TRPC3: variants seen among roughly 807,000 people sequenced by gnomAD.
TRPC3 encodes transient receptor potential cation channel subfamily C member 3.
TRPC3 carries 54 observed loss-of-function variants against 90.9 expected under a neutral mutation model. The observed-to-expected ratio is 0.59, with a 90% CI of 0.48 to 0.75. TRPC3 has a LOEUF of 0.75. Among genes scored for constraint, TRPC3 ranks in the 30% least tolerant of loss-of-function variants. The probability of loss-of-function intolerance (pLI) is 0.00; values close to 1 mark genes in which losing one functional copy is unlikely to be tolerated. For missense variants in TRPC3, 918 were observed against 1,194.5 expected, an observed-to-expected ratio of 0.77 and a Z score of 3.41; for synonymous variants, 424 against 450.9, an observed-to-expected ratio of 0.94 and a Z score of 0.75.
chr4:121,942,850 T>G (rs772504087), intron 1 of TRPC3, among the ~76,000 whole-genome samples: 1 of 152,218 alleles, frequency 6.6e-6, no homozygotes, highest in East Asian at 1.9e-4. Flanking sequence ...CCTTAGCCAT[T>G]GCCTGCATGA....
intron 1 of TRPC3, among the ~76,000 whole-genome samples, chr4:121,934,199 T>A (rs1560715056): frequency 6.6e-6 from 1 of 152,228 alleles, no homozygotes; most frequent in African/African-American, 2.4e-5. Flanking sequence ...CATTTCCTTG[T>A]GCATCCTTAC....
At chr4:121,950,777 G>T (rs951823817) in intron 1 of TRPC3, 1 of 152,262 alleles carries the variant, frequency 6.6e-6, no homozygotes, top group Non-Finnish European at 1.5e-5. Flanking sequence ...TCACTAAAGC[G>T]GTTCCCCGGC....
At chr4:121,897,478 A>G (rs930316732) in intron 10 of TRPC3, among the ~76,000 whole-genome samples, 2 of 141,058 alleles carry the variant, frequency 1.4e-5, no homozygotes, top group African/African-American at 5.6e-5. Flanking sequence ...AAAAAAAAAA[A>G]AAAAAAAAAA....
chr4:121,898,282 A>G (rs1728586323), intron 10 of TRPC3, among the ~76,000 whole-genome samples: 1 of 152,196 alleles, frequency 6.6e-6, no homozygotes, highest in Admixed American at 6.5e-5. Context: ...AAGGACTGGC[A>G]TCTGTCCGTG....
At chr4:121,903,181 AT>A in intron 8 of TRPC3, 120 bp from the exon 9 acceptor site, 1 of 754,024 alleles carries the variant, frequency 1.3e-6, no homozygotes, top group Non-Finnish European at 2.1e-6. Context: ...ACTTATACAC[AT>A]TTATCTACAT....
Position 121,902,877 on chromosome 4 carries a change from A to G in TRPC3, c.2438T>C (p.Met813Thr), listed in dbSNP as rs35312610. Residue 813 changes from methionine (M) to threonine (T), a missense_variant, in exon 9 of 12, where the codon ATG (methionine) becomes ACG (threonine). This residue lies in a region of TRPC3 where 121 missense variants were observed against 135.7 expected (regional missense o/e 0.89). Coordinates refer to ENST00000379645, the MANE Select transcript of TRPC3 (RefSeq NM_001130698.2). Reference protein sequence around the residue: ...RRRRLQKDIEMGMGNSKSRLN... With the variant: ...RRRRLQKDIETGMGNSKSRLN... ...CCTGGACTTTGAGTTACCCATTCCC[A>G]TTTCTATATCCTTCTGAAGCCTTCT... 54 of 1,611,352 alleles carry G rather than the reference A, an allele frequency of 3.4e-5. No individual in the cohort carries two copies. The African/African-American group carries it at 6.8e-4, about 20-fold the overall frequency.
chr4:121,943,186 T>TCC (rs3031587), intron 1 of TRPC3, among the ~76,000 whole-genome samples: 1 of 151,700 alleles, frequency 6.6e-6, no homozygotes, highest in Non-Finnish European at 1.5e-5. Flanking sequence ...CAGATAATTT[T>TCC]CCCCCCCTAG....
intron 7 of TRPC3, among the ~76,000 whole-genome samples, chr4:121,906,567 A>G (rs1728890134): frequency 6.6e-6 from 1 of 152,154 alleles, no homozygotes; most frequent in South Asian, 2.1e-4. Flanking sequence ...ACTTTAGTCT[A>G]TAGAGTACTT....
Position 121,951,622 on chromosome 4 carries a change from T to A in TRPC3, c.59A>T (p.Glu20Val). 1 of 1,433,332 alleles carries A rather than the reference T, an allele frequency of 7.0e-7. No homozygotes were observed. Among genetic ancestry groups the A allele is most frequent in the Non-Finnish European group, 9.2e-7 (1 of 1,085,086 alleles). The allele number at this position is 1,433,332 out of a possible 1,614,324, so 88.8% of individuals were successfully genotyped here. A position where few individuals can be genotyped will look rare whatever the true frequency, so the allele number is the denominator to read the frequency against. Residue 20 changes from glutamate to valine, a missense_variant, in exon 1 of 12, where the codon GAG (glutamate) becomes GTG (valine). Transcript: ENST00000379645. The surrounding 1 kb of genome is among the most constrained non-coding windows in gnomAD (Gnocchi z 4.4). ...EQARVTFPAP[E>V]EEEDEGEDEG... ...GTCCTCGCCCTCGTCTTCCTCCTCCTCCGGCGCCGGGAAGGTCACCCTTGC... is the reference window on the plus strand; with the variant it reads ...GTCCTCGCCCTCGTCTTCCTCCTCCACCGGCGCCGGGAAGGTCACCCTTGC...
chr4:121,883,762 A>G (rs1476010327), intron 10 of TRPC3, among the ~76,000 whole-genome samples: 2 of 152,162 alleles, frequency 1.3e-5, no homozygotes, highest in East Asian at 1.9e-4. Flanking sequence ...TTAGAGGTGG[A>G]GTCTCACTAT....
rs1252270423 is a variant in TRPC3, at chr4:121,912,023, C to T, written c.1412G>A (p.Gly471Asp). 6.2e-7 allele frequency: 1 copy of T among 1,613,752 alleles called. No individual in the cohort carries two copies. Among genetic ancestry groups the T allele is most frequent in the Admixed American group, 1.7e-5 (1 of 59,950 alleles). Residue 471 changes from glycine to aspartate, a missense_variant, in exon 5 of 12, where the codon GGT becomes GAT. This residue lies in a region of TRPC3 where 609 missense variants were observed against 725.9 expected (regional missense o/e 0.84). Transcript: ENST00000379645. Reference protein sequence around the residue: ...AHAASFIIFLGLLVFNASDRF... With the variant: ...AHAASFIIFLDLLVFNASDRF... ...GTCTGAGGCATTGAACACAAGCAGACCCAGGAAGATGATGAAAGAAGCTGC... is the reference window on the plus strand; with the variant it reads ...GTCTGAGGCATTGAACACAAGCAGATCCAGGAAGATGATGAAAGAAGCTGC...
At chr4:121,920,865 A>T (rs76354637) in intron 3 of TRPC3, among the ~76,000 whole-genome samples, 6,126 of 152,206 alleles carry the variant, frequency 0.04, 409 homozygotes, top group African/African-American at 0.14. Flanking sequence ...CTTTTGTGAG[A>T]TACAATCGAA....
In TRPC3 at chr4:121,952,002, T is replaced by C. The variant is rs1730795706; in HGVS notation, c.-322A>G. Reference sequence around the variant, plus strand: ...CCAGCCCCGCGGCGGCGGCGATGCCTCCTCGGCGCCCGTCTCCTGTCTCCG... The same window carrying C: ...CCAGCCCCGCGGCGGCGGCGATGCCCCCTCGGCGCCCGTCTCCTGTCTCCG... On this transcript the variant is annotated 5_prime_UTR_variant, in exon 1 of 12. Transcript: ENST00000379645. 7.1e-6 allele frequency among the ~76,000 whole-genome samples: 1 copy of C among 140,538 alleles called. No homozygotes were observed. Among genetic ancestry groups the C allele is most frequent in the South Asian group, 2.4e-4 (1 of 4,114 alleles). 92.2% of individuals were successfully genotyped at this position (140,538 alleles called of 152,430 possible). A position where few individuals can be genotyped will look rare whatever the true frequency, so the allele number is the denominator to read the frequency against.
chr4:121,880,031 T>C (rs1458994390), intron 11 of TRPC3, among the ~76,000 whole-genome samples, 153 bp from the exon 12 acceptor site: 5 of 152,196 alleles, frequency 3.3e-5, no homozygotes, highest in African/African-American at 4.8e-5. Flanking sequence ...TTAAGAAACA[T>C]CTGTCTTTAA....
chr4:121,883,200 A>G (rs890430218), intron 10 of TRPC3, among the ~76,000 whole-genome samples: 3 of 152,108 alleles, frequency 2.0e-5, no homozygotes, highest in African/African-American at 7.2e-5. Context: ...AACGTATTAT[A>G]TAAGAGAGTA....
At position 121,907,532 on chromosome 4, in the gene TRPC3, T is replaced by C; in HGVS notation, c.1828A>G (p.Ile610Val). The C allele has an allele frequency of 6.2e-7, 1 of 1,612,508 alleles. No homozygotes were observed. The highest frequency in any genetic ancestry group is 8.5e-7 in the Non-Finnish European group (1 of 1,179,238). ...DKWLPSDPQI[I>V]SEGLYAIAVV... ...GCTATGGCATAAAGGCCTTCAGATA[T>C]AATCTGAGGGTCAGAAGGGAGCCAT... Residue 610 changes from isoleucine to valine, a missense_variant, in exon 7 of 12, where the codon ATA becomes GTA. Physicochemically the swap from Ile to Val is conservative, Grantham distance 29. Coordinates refer to ENST00000379645, the MANE Select transcript of TRPC3 (RefSeq NM_001130698.2).
intron 10 of TRPC3, among the ~76,000 whole-genome samples, chr4:121,894,265 A>G: frequency 6.6e-6 from 1 of 152,172 alleles, no homozygotes; most frequent in South Asian, 2.1e-4. Context: ...AAAGAAAGGC[A>G]TTATATAATA....
At chr4:121,942,396 T>C (rs1730349596) in intron 1 of TRPC3, among the ~76,000 whole-genome samples, 1 of 152,110 alleles carries the variant, frequency 6.6e-6, no homozygotes, top group Non-Finnish European at 1.5e-5. Context: ...ACCCCATCTC[T>C]ACTAAAAATA....
chr4:121,906,290 A>G (rs1443259821), intron 7 of TRPC3, among the ~76,000 whole-genome samples: 1 of 152,132 alleles, frequency 6.6e-6, no homozygotes, highest in Non-Finnish European at 1.5e-5. Flanking sequence ...CCTTTCTACT[A>G]CATTGAATGG....
Sources: allele counts gnomAD v4.1 joint callset (sites outside exome capture counted in the v4.1 genomes callset), GRCh38; gene constraint gnomAD v4.1.1; regional missense constraint gnomAD v4.1.1; non-coding constraint Gnocchi (gnomAD v3.1); transcripts MANE v1.5; gene names NCBI Gene and HGNC (gene_info 2026-07-23, HGNC 2026-07-21).